MED13L: variants seen among roughly 807,000 people sequenced by gnomAD.
MED13L encodes the protein mediator complex subunit 13L, also known as mediator of RNA polymerase II transcription subunit 13-like.
In MED13L, 7 loss-of-function variants were observed where a neutral mutation model predicts 220.9. That is an observed-to-expected ratio of 0.03 (90% CI 0.02 to 0.06). The LOEUF is 0.06. Ranked by LOEUF, MED13L falls within the 10% of genes least tolerant of loss-of-function variation. The pLI is 1.00. For missense variants in MED13L, 1,965 were observed against 2,760.5 expected, an observed-to-expected ratio of 0.71 and a Z score of 6.46; for synonymous variants, 1,011 against 1,015.2, an observed-to-expected ratio of 1.00 and a Z score of 0.08.
intron 1 of MED13L, among the ~76,000 whole-genome samples, chr12:116,247,945 TC>T (rs1467529873): frequency 6.6e-6 from 1 of 152,200 alleles, no homozygotes; most frequent in Non-Finnish European, 1.5e-5. Context: ...GAAATCTTGA[TC>T]CTATTCAACA....
chr12:116,015,532 C>T (rs1034484584), intron 7 of MED13L, among the ~76,000 whole-genome samples: 3 of 152,076 alleles, frequency 2.0e-5, no homozygotes, highest in African/African-American at 7.2e-5. Context: ...ACTCACACAA[C>T]CATAAGGGCA....
chr12:116,096,354 C>CAGAAAAAAAAA (rs1872637126), intron 4 of MED13L, among the ~76,000 whole-genome samples: 1 of 23,570 alleles, frequency 4.2e-5, no homozygotes, highest in Non-Finnish European at 8.1e-5. Context: ...GACACAGCCT[C>CAGAAAAAAAAA]AAAAAAAAAA....
chr12:116,088,584 C>A (rs1871917611), intron 4 of MED13L, among the ~76,000 whole-genome samples: 1 of 151,970 alleles, frequency 6.6e-6, no homozygotes. Context: ...AATTATCCAG[C>A]CCAAGAATCA....
At chr12:116,264,256 A>G (rs921355193) in intron 1 of MED13L, among the ~76,000 whole-genome samples, 1 of 152,232 alleles carries the variant, frequency 6.6e-6, no homozygotes, top group African/African-American at 2.4e-5. Flanking sequence ...AAAAAATTAT[A>G]AACAATGGCA....
chr12:116,231,643 T>C (rs903914077), intron 2 of MED13L, among the ~76,000 whole-genome samples: 14 of 152,272 alleles, frequency 9.2e-5, no homozygotes, highest in African/African-American at 3.1e-4. Context: ...ATGGACTAAA[T>C]ATTAGATAAT....
chr12:116,129,919 A>AAAAGAAAG (rs534343859), intron 2 of MED13L, among the ~76,000 whole-genome samples: 103 of 151,306 alleles, frequency 6.8e-4, no homozygotes, highest in African/African-American at 2.3e-3. Flanking sequence ...AAAAAAAAAA[A>AAAAGAAAG]AAAGAAAGAA....
chr12:116,264,716 TC>T (rs1189578225), intron 1 of MED13L, among the ~76,000 whole-genome samples: 4 of 152,196 alleles, frequency 2.6e-5, no homozygotes, highest in Non-Finnish European at 5.9e-5. Context: ...CTTCCATCTT[TC>T]CTTCTGTCTT....
chr12:116,220,416 G>C (rs935868747), intron 2 of MED13L, among the ~76,000 whole-genome samples: 2 of 152,038 alleles, frequency 1.3e-5, no homozygotes, highest in African/African-American at 4.8e-5. Context: ...AGAGAACATA[G>C]GGCCGGACGT....
chr12:116,064,864 A>G (rs924633256), intron 4 of MED13L, among the ~76,000 whole-genome samples: 19 of 152,300 alleles, frequency 1.2e-4, no homozygotes, highest in East Asian at 1.9e-4. Context: ...CAAGGGCCCC[A>G]TCCATTTTGT....
intron 4 of MED13L, among the ~76,000 whole-genome samples, chr12:116,024,289 G>C (rs1305408144): frequency 6.6e-6 from 1 of 152,068 alleles, no homozygotes; most frequent in Non-Finnish European, 1.5e-5. Flanking sequence ...ACTAGCAAGA[G>C]ACTGATATGA....
intron 2 of MED13L, among the ~76,000 whole-genome samples, chr12:116,197,833 T>G (rs1035145779): frequency 6.6e-6 from 1 of 151,992 alleles, no homozygotes. Flanking sequence ...TCATGAAAAT[T>G]AGAAAGCAAC....
intron 2 of MED13L, among the ~76,000 whole-genome samples, chr12:116,225,938 A>G (rs1241409610): frequency 6.6e-6 from 1 of 152,212 alleles, no homozygotes; most frequent in Non-Finnish European, 1.5e-5. Flanking sequence ...TGCATATGAC[A>G]TTATATAAAT....
At chr12:116,002,817 T>G (rs1336163685) in intron 14 of MED13L, among the ~76,000 whole-genome samples, 186 bp downstream of exon 14, 1 of 152,212 alleles carries the variant, frequency 6.6e-6, no homozygotes, top group Non-Finnish European at 1.5e-5. Context: ...ATTAAGATGG[T>G]TTCTGTATAT....
Position 116,111,647 on chromosome 12 carries a change from C to G in MED13L, c.311-135G>C, listed in dbSNP as rs1874101919. 1.7e-5 allele frequency: 12 copies of G among 690,708 alleles called. No homozygotes were observed. The South Asian group carries it at 2.1e-4, about 12-fold the overall frequency. 42.8% of individuals were successfully genotyped at this position (690,708 alleles called of 1,614,324 possible). ...TGACTTAAATAATCTCACGCTGAAA[C>G]AGAGAGTGGAATTTAAGTATTTGCC... On this transcript the variant is annotated intron_variant, in intron 2 of 30. Transcript: ENST00000281928.
Position 116,277,303 on chromosome 12 carries a change from C to T in MED13L, c.-172G>A, listed in dbSNP as rs1181279373. 3 of 2,594 alleles carry T rather than the reference C, an allele frequency of 1.2e-3. No homozygotes were observed. The African/African-American group carries it at 0.024, about 21-fold the overall frequency. 0.2% of individuals were successfully genotyped at this position (2,594 alleles called of 1,614,324 possible). A position where few individuals can be genotyped will look rare whatever the true frequency, so the allele number is the denominator to read the frequency against. On this transcript the variant is annotated 5_prime_UTR_variant, in exon 1 of 31. Transcript: ENST00000281928. The stretch of plus-strand genomic sequence containing the variant: ...CAGGCGGGAGGCGCCGCGGCGACGC[C>T]GCGCCGGGGGCAGCGGGCCCGGGCT...
At position 116,277,431 on chromosome 12, in the gene MED13L, G is replaced by C. The variant is rs1342095137; in HGVS notation, c.-300C>G. On this transcript the variant is annotated 5_prime_UTR_variant, in exon 1 of 31. Coordinates refer to ENST00000281928, the MANE Select transcript of MED13L (RefSeq NM_015335.5). Reference sequence around the variant, plus strand: ...CGCCGCCGCTGCTGCCGCTGCCGCCGCCTTGTTTATCTCCAGCCACCGACT... The same window carrying C: ...CGCCGCCGCTGCTGCCGCTGCCGCCCCCTTGTTTATCTCCAGCCACCGACT... 1 of 157,046 alleles carries C rather than the reference G, an allele frequency of 6.4e-6. No individual in the cohort carries two copies. Among genetic ancestry groups the C allele is most frequent in the African/African-American group, 2.4e-5 (1 of 41,068 alleles). The allele number at this position is 157,046 out of a possible 1,614,324, so 9.7% of individuals were successfully genotyped here. A position where few individuals can be genotyped will look rare whatever the true frequency, so the allele number is the denominator to read the frequency against.
chr12:116,108,358 C>T (rs1229142928), intron 3 of MED13L, among the ~76,000 whole-genome samples: 1 of 125,496 alleles, frequency 8.0e-6, no homozygotes. Flanking sequence ...AAAATAGACT[C>T]TAACATTAAC....
intron 4 of MED13L, among the ~76,000 whole-genome samples, chr12:116,070,655 A>G (rs1167075068): frequency 1.3e-5 from 2 of 152,208 alleles, no homozygotes; most frequent in Non-Finnish European, 2.9e-5. Flanking sequence ...AGTGCCCAGA[A>G]TAATATACAA....
rs146840486 is a variant in MED13L at position 115,982,801 on chromosome 12, T to C, written c.4956-198A>G. ...ATCGAGGGCAGATGGAAAATGGCAA[T>C]GTACTCCTCTAAAATGGGAGGTATC... On this transcript the variant is annotated intron_variant, in intron 21 of 30. Coordinates refer to ENST00000281928, the MANE Select transcript of MED13L (RefSeq NM_015335.5). 1.6e-4 allele frequency among the ~76,000 whole-genome samples: 24 copies of C among 152,324 alleles called. 1 individual carries two copies. In the East Asian group the frequency reaches 4.4e-3, roughly 28 times the overall value.
Sources: gnomAD v4.1 joint callset for allele counts (sites outside exome capture counted in the v4.1 genomes callset) on GRCh38, gnomAD v4.1.1 for gene constraint, MANE v1.5 for transcripts, NCBI Gene and HGNC (gene_info 2026-07-23, HGNC 2026-07-21) for gene names.